The following SPTBN1 variants were observed in gnomAD, a reference collection of about 807,000 sequenced individuals.
SPTBN1 encodes spectrin beta, non-erythrocytic 1, also known as spectrin beta chain, non-erythrocytic 1.
A neutral mutation model predicts 266.4 loss-of-function variants in SPTBN1; 32 were observed. That is an observed-to-expected ratio of 0.12 (90% CI 0.09 to 0.16). The LOEUF (loss-of-function observed/expected upper bound fraction) is 0.16, where lower values mean the gene tolerates loss of function less well. Ranked by LOEUF, SPTBN1 falls within the 10% of genes least tolerant of loss-of-function variation. SPTBN1 has a pLI of 1.00. For synonymous variants in SPTBN1, 1,336 were observed against 1,162.2 expected (o/e 1.15, Z -3.04); for missense variants, 2,296 against 3,067.1 (o/e 0.75, Z 5.94).
intron 3 of SPTBN1, among the ~76,000 whole-genome samples, chr2:54,610,754 A>G (rs1343618705): frequency 4.6e-5 from 7 of 152,204 alleles, no homozygotes; most frequent in Admixed American, 4.6e-4. Context: ...CTTTTCTTGT[A>G]ATGTCATGAC....
intron 1 of SPTBN1, among the ~76,000 whole-genome samples, chr2:54,470,806 T>C (rs1356860877): frequency 6.6e-6 from 1 of 152,112 alleles, no homozygotes; most frequent in Non-Finnish European, 1.5e-5. Flanking sequence ...AGAACCTGTC[T>C]CAAACCCCAC....
chr2:54,623,551 G>A lies in SPTBN1; in HGVS notation c.1137G>A (p.Lys379=), dbSNP rs1438135426. ...IQSKMRANNQ[K]VYMPREGKLI... ...GCAAGATGAGGGCCAACAACCAGAAGGTCTACATGCCCCGGGAGGGGAAGC... is the reference window on the plus strand; with the variant it reads ...GCAAGATGAGGGCCAACAACCAGAAAGTCTACATGCCCCGGGAGGGGAAGC... Residue 379 remains lysine (K), a synonymous_variant, in exon 10 of 36, where the codon AAG becomes AAA. Transcript: ENST00000356805. 10 of 1,614,182 alleles carry A rather than the reference G, an allele frequency of 6.2e-6. No homozygotes were observed. Among genetic ancestry groups the A allele is most frequent in the South Asian group, 3.3e-5 (3 of 91,084 alleles).
chr2:54,612,025 AG>A, intron 3 of SPTBN1, 135 bp from the exon 4 acceptor site: 5 of 811,104 alleles, frequency 6.2e-6, no homozygotes, highest in Non-Finnish European at 9.3e-6. Flanking sequence ...GGACTTAATG[AG>A]TACATGTGTT....
rs900655044 is a variant in SPTBN1 at position 54,625,958 on chromosome 2, A to T, written c.1368A>T (p.Ala456=). Residue 456 remains alanine (A), a synonymous_variant, in exon 12 of 36, where the codon GCA becomes GCT. Coordinates refer to ENST00000356805, the MANE Select transcript of SPTBN1 (RefSeq NM_003128.3). Reference sequence around the variant, plus strand: ...ACAACTTTGGGTTTGACCTTCCTGCAGTTGAGGCCGCCACAAAAAAGCACG... The same window carrying T: ...ACAACTTTGGGTTTGACCTTCCTGCTGTTGAGGCCGCCACAAAAAAGCACG... The part of the protein sequence containing the change: ...SQDNFGFDLP[A]VEAATKKHEA... 5 of 1,613,898 alleles carry T rather than the reference A, an allele frequency of 3.1e-6. No homozygotes were observed. Among genetic ancestry groups the T allele is most frequent in the Non-Finnish European group, 4.2e-6 (5 of 1,179,812 alleles).
intron 2 of SPTBN1, among the ~76,000 whole-genome samples, chr2:54,583,242 GT>G (rs1391240112): frequency 6.6e-6 from 1 of 152,056 alleles, no homozygotes; most frequent in East Asian, 1.9e-4. Context: ...GATCCTCTCT[GT>G]TGCCATCTGT....
At chr2:54,660,634 G>A (rs935862623) in intron 32 of SPTBN1, 4 of 985,346 alleles carry the variant, frequency 4.1e-6, no homozygotes, top group Non-Finnish European at 2.4e-6. Context: ...TATTCTGGAA[G>A]CTATTTTAAT....
intron 2 of SPTBN1, among the ~76,000 whole-genome samples, chr2:54,574,779 A>G (rs1358783756): frequency 6.6e-6 from 1 of 152,196 alleles, no homozygotes; most frequent in Non-Finnish European, 1.5e-5. Context: ...CCTGTGATGT[A>G]GTTAGTTAAA....
In SPTBN1 at chr2:54,649,153, G is replaced by C; in HGVS notation, c.5165G>C (p.Gly1722Ala). 1 of 1,611,268 alleles carries C rather than the reference G, an allele frequency of 6.2e-7. No homozygotes were observed. The highest frequency in any genetic ancestry group is 1.1e-5 in the South Asian group (1 of 90,984). ...QWIAEREVVA[G>A]SHELGQDYEH... is the part of the protein sequence containing the mutation. ...ATCGCTGAGAGGGAGGTGGTCGCAG[G>C]GTCCCATGAACTGGGACAGGACTAT... The change falls in exon 25 of 36, where the codon GGG becomes GCG. Residue 1722 changes from glycine to alanine, a missense_variant. Transcript: ENST00000356805. The surrounding 1 kb of genome is among the most constrained non-coding windows in gnomAD (Gnocchi z 6.7).
chr2:54,490,453 G>C (rs942098000), intron 1 of SPTBN1, among the ~76,000 whole-genome samples: 3 of 152,114 alleles, frequency 2.0e-5, no homozygotes, highest in Non-Finnish European at 2.9e-5. Context: ...TAATTCAGAT[G>C]GGGTCCACAA....
rs1670901892 is a variant in SPTBN1, at chr2:54,527,639, T to C, written c.148+1073T>C. 3 of 152,358 alleles carry C rather than the reference T, an allele frequency of 2.0e-5. No individual in the cohort carries two copies. The South Asian group carries it at 6.2e-4, about 32-fold the overall frequency. 9.4% of individuals were successfully genotyped at this position (152,358 alleles called of 1,614,324 possible). On this transcript the variant is annotated intron_variant, in intron 2 of 35. Transcript: ENST00000356805. Reference sequence around the variant, plus strand: ...TTCTCTCTACTCTGGCTTTATTTTCTAGTGCAGGCTCTGTTCACAAGCAGG... The same window carrying C: ...TTCTCTCTACTCTGGCTTTATTTTCCAGTGCAGGCTCTGTTCACAAGCAGG...
At chr2:54,632,437 A>C in intron 16 of SPTBN1, 129 bp from the exon 17 acceptor site, 1 of 1,006,650 alleles carries the variant, frequency 9.9e-7, no homozygotes, top group Non-Finnish European at 1.5e-6. Context: ...TTTTAATTTG[A>C]TGTGATTTAA....
intron 1 of SPTBN1, among the ~76,000 whole-genome samples, chr2:54,477,717 G>A (rs1438252671): frequency 6.6e-6 from 1 of 152,116 alleles, no homozygotes; most frequent in Non-Finnish European, 1.5e-5. Flanking sequence ...TTCGAGACCA[G>A]CCTGGCTAAT....
chr2:54,491,619 C>T (rs1307798566), intron 1 of SPTBN1, among the ~76,000 whole-genome samples: 1 of 150,902 alleles, frequency 6.6e-6, no homozygotes, highest in East Asian at 1.9e-4. Context: ...TTTTTGGAGA[C>T]AAGGCTGTCA....
rs1040271182 is a variant in SPTBN1 at position 54,623,711 on chromosome 2, G to C, written c.1182+115G>C. On this transcript the variant is annotated intron_variant, in intron 10 of 35. Transcript: ENST00000356805. ...CTGGAAGGGGCTGTCCCCACCTGCCGAATTGACAATTGGCAGCTGGTGCTC... is the reference window on the plus strand; with the variant it reads ...CTGGAAGGGGCTGTCCCCACCTGCCCAATTGACAATTGGCAGCTGGTGCTC... The C allele has an allele frequency of 6.2e-6, 5 of 804,868 alleles. No individual in the cohort carries two copies. In the Admixed American group the frequency reaches 1.4e-4, roughly 22 times the overall value. 49.9% of individuals were successfully genotyped at this position (804,868 alleles called of 1,614,324 possible). A position where few individuals can be genotyped will look rare whatever the true frequency, so the allele number is the denominator to read the frequency against.
chr2:54,603,568 C>G (rs1031900234), intron 3 of SPTBN1, among the ~76,000 whole-genome samples: 5 of 152,064 alleles, frequency 3.3e-5, no homozygotes, highest in Non-Finnish European at 5.9e-5. Flanking sequence ...AGGAGTGGGT[C>G]CCAGCTGGGA....
chr2:54,491,645 A>C (rs1327027529), intron 1 of SPTBN1, among the ~76,000 whole-genome samples: 2 of 151,166 alleles, frequency 1.3e-5, no homozygotes, highest in Non-Finnish European at 2.9e-5. Context: ...GCTGGAGTGC[A>C]GTGGTGCAAA....
chr2:54,599,011 G>T, intron 2 of SPTBN1, 81 bp from the exon 3 acceptor site: 11 of 1,530,864 alleles, frequency 7.2e-6, no homozygotes, highest in Non-Finnish European at 9.8e-6. Flanking sequence ...CCTCTGGCTG[G>T]GGTCTTGTGG....
chr2:54,606,883 G>C (rs1375356620), intron 3 of SPTBN1, among the ~76,000 whole-genome samples: 1 of 152,206 alleles, frequency 6.6e-6, no homozygotes, highest in African/African-American at 2.4e-5. Flanking sequence ...ACCTCAAACA[G>C]CACTTGCAGA....
At chr2:54,583,190 CT>C (rs1281916555) in intron 2 of SPTBN1, among the ~76,000 whole-genome samples, 1 of 152,024 alleles carries the variant, frequency 6.6e-6, no homozygotes, top group Non-Finnish European at 1.5e-5. Flanking sequence ...GCTTTGACCC[CT>C]TGACTCACCT....
Sources: gnomAD v4.1 joint callset for allele counts (sites outside exome capture counted in the v4.1 genomes callset) on GRCh38, gnomAD v4.1.1 for gene constraint, Gnocchi (gnomAD v3.1) non-coding constraint, MANE v1.5 for transcripts, NCBI Gene and HGNC (gene_info 2026-07-23, HGNC 2026-07-21) for gene names.